GRIK4: variants seen among roughly 807,000 people sequenced by gnomAD.
GRIK4 encodes the protein glutamate receptor ionotropic, kainate 4.
Under a neutral mutation model 104.9 loss-of-function variants are expected in GRIK4, and 40 were observed. The observed-to-expected ratio is 0.38, with a 90% CI of 0.30 to 0.50. The LOEUF (loss-of-function observed/expected upper bound fraction) is 0.50, where lower values mean the gene tolerates loss of function less well. Among genes scored for constraint, GRIK4 ranks in the 20% least tolerant of loss-of-function variants. The probability of loss-of-function intolerance (pLI) is 0.93; values close to 1 mark genes in which losing one functional copy is unlikely to be tolerated. For missense variants in GRIK4, 1,047 were observed against 1,308.1 expected, an observed-to-expected ratio of 0.80 and a Z score of 3.08; for synonymous variants, 485 against 524.9, an observed-to-expected ratio of 0.92 and a Z score of 1.04.
rs1023501090 is a variant in GRIK4, at chr11:120,555,802, C to T, written c.-159+43915C>T. ...AGGCCTTGGGGCTTCTTCCCACCGT[C>T]ATTATTGATGTCCCTGCCACCAAGA... On this transcript the variant is annotated intron_variant, in intron 1 of 20. Coordinates refer to ENST00000527524, the MANE Select transcript of GRIK4 (RefSeq NM_014619.5). This position sits in a 1 kb window ranked among gnomAD's most constrained non-coding sequence, Gnocchi z 5.3. Among the ~76,000 whole-genome samples the T allele has an allele frequency of 6.6e-6, 1 of 152,148 alleles. No homozygotes were observed. The highest frequency in any genetic ancestry group is 1.5e-5 in the Non-Finnish European group (1 of 68,024).
intron 3 of GRIK4, among the ~76,000 whole-genome samples, chr11:120,739,326 A>G (rs1860046183): frequency 6.6e-6 from 1 of 152,224 alleles, no homozygotes; most frequent in Non-Finnish European, 1.5e-5. Flanking sequence ...AATGGGGCCA[A>G]TCTTAGCTGA....
intron 3 of GRIK4, among the ~76,000 whole-genome samples, chr11:120,670,652 C>T (rs539453367): frequency 7.2e-5 from 11 of 152,352 alleles, no homozygotes; most frequent in Non-Finnish European, 1.5e-4. Context: ...ATCCTCTAGC[C>T]CTGCCTCTGC....
chr11:120,607,342 G>A (rs184705477), intron 1 of GRIK4, among the ~76,000 whole-genome samples: 17 of 152,328 alleles, frequency 1.1e-4, no homozygotes, highest in Admixed American at 1.1e-3. Context: ...GCAGGGAGGG[G>A]CACCTGTGTT....
intron 11 of GRIK4, among the ~76,000 whole-genome samples, chr11:120,895,988 G>C (rs1942568733): frequency 6.6e-6 from 1 of 152,150 alleles, no homozygotes; most frequent in Admixed American, 6.5e-5. Context: ...AGGAGGGCTC[G>C]GAGAAAGAGA....
In GRIK4 at chr11:120,883,695, G is replaced by A. The variant is rs75583027; in HGVS notation, c.1164+8452G>A. ...GCAGAAGCTTATTCACACATCAGCCGGCAAACAAATTAGAGCTACTTAAAT... is the reference window on the plus strand; with the variant it reads ...GCAGAAGCTTATTCACACATCAGCCAGCAAACAAATTAGAGCTACTTAAAT... On this transcript the variant is annotated intron_variant, in intron 11 of 20. Coordinates refer to ENST00000527524, the MANE Select transcript of GRIK4 (RefSeq NM_014619.5). Among the ~76,000 whole-genome samples the A allele has an allele frequency of 2.7e-3, 414 of 152,314 alleles. 2 individuals are homozygous for A. The highest frequency in any genetic ancestry group is 9.4e-3 in the African/African-American group (391 of 41,570).
chr11:120,639,915 G>A (rs778584966), intron 1 of GRIK4, among the ~76,000 whole-genome samples: 3 of 152,154 alleles, frequency 2.0e-5, no homozygotes, highest in Non-Finnish European at 2.9e-5. Flanking sequence ...CTGCTGTGGA[G>A]CCATCTTTGA....
intron 1 of GRIK4, among the ~76,000 whole-genome samples, chr11:120,605,076 C>A (rs929352253): frequency 4.6e-5 from 7 of 152,174 alleles, no homozygotes; most frequent in Non-Finnish European, 8.8e-5. Flanking sequence ...GCTCAAGCAA[C>A]CTCCCGCCTT....
chr11:120,792,058 C>T (rs1461350387), intron 3 of GRIK4, among the ~76,000 whole-genome samples: 2 of 152,186 alleles, frequency 1.3e-5, no homozygotes, highest in Middle Eastern at 3.4e-3. Flanking sequence ...GAATGATGGG[C>T]GTACATTATA....
intron 9 of GRIK4, among the ~76,000 whole-genome samples, chr11:120,864,557 A>G (rs1421697244): frequency 2.0e-5 from 3 of 152,168 alleles, no homozygotes; most frequent in Non-Finnish European, 4.4e-5. Context: ...GGTGCTGACA[A>G]ACTTGAAAGG....
chr11:120,853,375 A>G (rs766198384), intron 8 of GRIK4, among the ~76,000 whole-genome samples: 3 of 152,224 alleles, frequency 2.0e-5, no homozygotes, highest in South Asian at 2.1e-4. Context: ...ATGGAGAAGG[A>G]ACTTGGAGAA....
chr11:120,594,377 T>C (rs964374863), intron 1 of GRIK4, among the ~76,000 whole-genome samples: 13 of 152,194 alleles, frequency 8.5e-5, no homozygotes, highest in African/African-American at 2.9e-4. Context: ...CTCAGGAGGC[T>C]GAGGTGGGAG....
intron 3 of GRIK4, among the ~76,000 whole-genome samples, chr11:120,689,255 A>G (rs1450003603): frequency 6.6e-6 from 1 of 152,088 alleles, no homozygotes; most frequent in Non-Finnish European, 1.5e-5. Context: ...TCGAGCCTTC[A>G]TAACCTCTTG....
chr11:120,606,713 G>T (rs890289777), intron 1 of GRIK4, among the ~76,000 whole-genome samples: 1 of 152,224 alleles, frequency 6.6e-6, no homozygotes, highest in African/African-American at 2.4e-5. Flanking sequence ...GGAGAGGAGG[G>T]CATGCAGTTC....
chr11:120,697,008 G>A (rs144196264), intron 3 of GRIK4, among the ~76,000 whole-genome samples: 116 of 152,284 alleles, frequency 7.6e-4, no homozygotes, highest in African/African-American at 2.7e-3. Context: ...ACCCCATGAC[G>A]TTTGTTATGT....
intron 7 of GRIK4, among the ~76,000 whole-genome samples, chr11:120,834,300 G>GTGTGTGGC (rs199908418): frequency 6.7e-6 from 1 of 149,028 alleles, no homozygotes; most frequent in Admixed American, 6.8e-5. Context: ...GTGTGTGTGT[G>GTGTGTGGC]GCCATGCTTT....
At position 120,832,265 on chromosome 11, in the gene GRIK4, A is replaced by C. The variant is rs576479082; in HGVS notation, c.690+235A>C. Among the ~76,000 whole-genome samples the C allele has an allele frequency of 9.2e-5, 14 of 152,296 alleles. No homozygotes were observed. The East Asian group carries it at 2.3e-3, about 25-fold the overall frequency. On this transcript the variant is annotated intron_variant, in intron 7 of 20. Coordinates refer to ENST00000527524, the MANE Select transcript of GRIK4 (RefSeq NM_014619.5). ...CAGCAGGGCAGTAGGCAACGGAGAC[A>C]CCTAGATGCTGCCAAACTTAGACCC...
intron 3 of GRIK4, among the ~76,000 whole-genome samples, chr11:120,706,248 A>G (rs1360664997): frequency 2.6e-5 from 4 of 152,124 alleles, no homozygotes; most frequent in Non-Finnish European, 5.9e-5. Flanking sequence ...AATTCTTTCT[A>G]ACACATTTTT....
intron 13 of GRIK4, among the ~76,000 whole-genome samples, chr11:120,927,565 C>CAAAAAA (rs56223442): frequency 2.0e-5 from 2 of 101,580 alleles, no homozygotes; most frequent in African/African-American, 3.9e-5. Flanking sequence ...GACTCTGTCT[C>CAAAAAA]AAAAAAAAAA....
chr11:120,859,857 C>A (rs1954214334), intron 8 of GRIK4, among the ~76,000 whole-genome samples: 1 of 152,204 alleles, frequency 6.6e-6, no homozygotes. Flanking sequence ...TTATCCAAAT[C>A]CACTCTGTCA....
Sources: allele counts gnomAD v4.1 joint callset (sites outside exome capture counted in the v4.1 genomes callset), GRCh38; gene constraint gnomAD v4.1.1; non-coding constraint Gnocchi (gnomAD v3.1); transcripts MANE v1.5; gene names NCBI Gene and HGNC (gene_info 2026-07-23, HGNC 2026-07-21).